WDFY4: variants seen among roughly 807,000 people sequenced by gnomAD.
WDFY4 encodes the protein WDFY family member 4.
WDFY4 carries 169 observed loss-of-function variants against 351.9 expected under a neutral mutation model. The ratio of observed to expected loss-of-function variants is 0.48; its 90% CI spans 0.42 to 0.55. The LOEUF is 0.55. WDFY4 is among the 20% of genes least tolerant of loss of function. The probability of loss-of-function intolerance (pLI) is 0.00; values close to 1 mark genes in which losing one functional copy is unlikely to be tolerated. For synonymous variants in WDFY4, 1,622 were observed against 1,574.6 expected (o/e 1.03, Z -0.71); for missense variants, 3,803 against 3,935.6 (o/e 0.97, Z 0.90).
In WDFY4 at chr10:48,936,606, AG is replaced by A. The variant is rs398114302; in HGVS notation, c.7587-5199del. Among the ~76,000 whole-genome samples, 420 of 59,996 alleles carry A rather than the reference AG, an allele frequency of 7.0e-3. 2 individuals are homozygous for A. The highest frequency in any genetic ancestry group is 0.059 in the South Asian group (89 of 1,518). The allele number at this position is 59,996 out of a possible 152,430, so 39.4% of individuals were successfully genotyped here. A position where few individuals can be genotyped will look rare whatever the true frequency, so the allele number is the denominator to read the frequency against. Reference sequence around the variant, plus strand: ...TAATTCCAGCACTTTCGGAGGCCGAAGAGGGTGGATCACAAGGTCTGGAGAT... The same window carrying A: ...TAATTCCAGCACTTTCGGAGGCCGAAAGGGTGGATCACAAGGTCTGGAGAT... On this transcript the variant is annotated intron_variant, in intron 47 of 61. Coordinates refer to ENST00000325239, the MANE Select transcript of WDFY4 (RefSeq NM_001394531.1).
chr10:48,753,152 A>G (rs548232480), intron 12 of WDFY4, among the ~76,000 whole-genome samples: 2 of 152,108 alleles, frequency 1.3e-5, no homozygotes, highest in African/African-American at 4.8e-5. Context: ...CTTTTTGGCC[A>G]TTTGTATATC....
chr10:48,708,470 C>G (rs1036142631), intron 1 of WDFY4, among the ~76,000 whole-genome samples: 1 of 152,156 alleles, frequency 6.6e-6, no homozygotes, highest in Admixed American at 6.5e-5. Context: ...TGCTGGGCAC[C>G]CGGATGGCTT....
intron 19 of WDFY4, among the ~76,000 whole-genome samples, chr10:48,781,458 A>G (rs1462264809): frequency 6.6e-6 from 1 of 151,850 alleles, no homozygotes; most frequent in Non-Finnish European, 1.5e-5. Context: ...CACCATGCCC[A>G]CTAATTTTTG....
At chr10:48,859,514 G>T (rs1165196469) in intron 39 of WDFY4, among the ~76,000 whole-genome samples, 1 of 152,162 alleles carries the variant, frequency 6.6e-6, no homozygotes, top group African/African-American at 2.4e-5. Context: ...TGGTGAGTTA[G>T]ATTGATTGAT....
chr10:48,699,522 G>A (rs1007165483), intron 1 of WDFY4, among the ~76,000 whole-genome samples: 1 of 152,186 alleles, frequency 6.6e-6, no homozygotes, highest in Non-Finnish European at 1.5e-5. Flanking sequence ...AGGGAGAGTG[G>A]TGGAGAGGTT....
At chr10:48,978,171 A>T in intron 59 of WDFY4, 138 bp from the exon 60 acceptor site, 1 of 806,102 alleles carries the variant, frequency 1.2e-6, no homozygotes, top group Non-Finnish European at 1.9e-6. Flanking sequence ...ATGATAAGTT[A>T]ACATCAGAAG....
chr10:48,733,464 T>C (rs957716542), intron 9 of WDFY4, among the ~76,000 whole-genome samples: 6 of 152,188 alleles, frequency 3.9e-5, no homozygotes, highest in Non-Finnish European at 4.4e-5. Flanking sequence ...AGCTTCCCCA[T>C]GACTCAGGAA....
intron 47 of WDFY4, among the ~76,000 whole-genome samples, chr10:48,918,241 C>T (rs1838729866): frequency 6.6e-6 from 1 of 152,134 alleles, no homozygotes; most frequent in Non-Finnish European, 1.5e-5. Flanking sequence ...GCAATACTTA[C>T]ATTAAGTGAA....
In WDFY4 at chr10:48,890,610, A is replaced by C. The variant is rs1162350989; in HGVS notation, c.7199A>C (p.Gln2400Pro). Residue 2400 changes from glutamine to proline, a missense_variant, in exon 44 of 62, where the codon CAG (glutamine) becomes CCG (proline). Coordinates refer to ENST00000325239, the MANE Select transcript of WDFY4 (RefSeq NM_001394531.1). ...CAGAAGTTCTCCCTGGTGATTGTGC[A>C]GGGCCACCTGGTGTCAGAAGGGGTC... ...VTQKFSLVIV[Q>P]GHLVSEGVLL... The C allele has an allele frequency of 1.9e-6, 3 of 1,551,626 alleles. No individual in the cohort carries two copies. The highest frequency in any genetic ancestry group is 2.6e-6 in the Non-Finnish European group (3 of 1,147,010).
intron 58 of WDFY4, 53 bp from the exon 59 acceptor site, chr10:48,976,744 T>A: frequency 7.7e-7 from 1 of 1,296,772 alleles, no homozygotes; most frequent in South Asian, 2.5e-5. Flanking sequence ...AGCAAGTGGC[T>A]GATGGGCAGG....
At chr10:48,872,211 C>T (rs1348248289) in intron 40 of WDFY4, among the ~76,000 whole-genome samples, 3 of 152,240 alleles carry the variant, frequency 2.0e-5, no homozygotes, top group African/African-American at 7.2e-5. Context: ...CCAAGATTTG[C>T]AAGGCCTACA....
rs1214075083 is a variant in WDFY4 at position 48,975,065 on chromosome 10, C to T, written c.9108+24C>T. On this transcript the variant is annotated intron_variant, in intron 58 of 61. Coordinates refer to ENST00000325239, the MANE Select transcript of WDFY4 (RefSeq NM_001394531.1). ...CAGTAAGTCTCCTGTTTCTCAGTGTCCGTGTCCTCACCTTCGCAGTAGCAT... is the reference window on the plus strand; with the variant it reads ...CAGTAAGTCTCCTGTTTCTCAGTGTTCGTGTCCTCACCTTCGCAGTAGCAT... 7 of 1,551,630 alleles carry T rather than the reference C, an allele frequency of 4.5e-6. No individual in the cohort carries two copies. In the African/African-American group the frequency reaches 9.6e-5, roughly 21 times the overall value.
At chr10:48,852,080 C>T (rs1188745043) in intron 39 of WDFY4, among the ~76,000 whole-genome samples, 5 of 152,228 alleles carry the variant, frequency 3.3e-5, no homozygotes, top group Non-Finnish European at 7.3e-5. Flanking sequence ...GCTTGATGTG[C>T]TACATTCACT....
rs1195580369 is a variant in WDFY4 at position 48,946,160 on chromosome 10, G to A, written c.7867+3G>A. 22 of 1,542,554 alleles carry A rather than the reference G, an allele frequency of 1.4e-5. No homozygotes were observed. The highest frequency in any genetic ancestry group is 2.0e-5 in the Admixed American group (1 of 49,784). ...TAAAGAAGTTGAGAAAACTGAAGGT[G>A]AGTAGATCCAGCTTGATTTTTGGTG... On this transcript the variant is annotated splice_donor_region_variant and intron_variant, in intron 50 of 61. Transcript: ENST00000325239.
At chr10:48,792,181 C>T (rs1459156480) in intron 23 of WDFY4, among the ~76,000 whole-genome samples, 1 of 152,168 alleles carries the variant, frequency 6.6e-6, no homozygotes, top group Non-Finnish European at 1.5e-5. Flanking sequence ...GTGCCTGTGG[C>T]CTCCGCTCAG....
At chr10:48,696,370 G>T (rs980950839) in intron 1 of WDFY4, among the ~76,000 whole-genome samples, 1 of 152,224 alleles carries the variant, frequency 6.6e-6, no homozygotes, top group Non-Finnish European at 1.5e-5. Context: ...CTGCAAGGCT[G>T]CCCCTGACTC....
At chr10:48,914,910 T>G (rs1838371710) in intron 47 of WDFY4, among the ~76,000 whole-genome samples, 1 of 152,202 alleles carries the variant, frequency 6.6e-6, no homozygotes, top group South Asian at 2.1e-4. Flanking sequence ...GAATGCTGCC[T>G]TTTCCATCTC....
At chr10:48,739,160 A>G (rs1284088036) in intron 11 of WDFY4, among the ~76,000 whole-genome samples, 1 of 152,266 alleles carries the variant, frequency 6.6e-6, no homozygotes, top group Non-Finnish European at 1.5e-5. Flanking sequence ...GTATTCCACC[A>G]TGACACATGG....
chr10:48,952,512 T>C (rs1841377611), intron 51 of WDFY4, among the ~76,000 whole-genome samples: 1 of 152,156 alleles, frequency 6.6e-6, no homozygotes, highest in Admixed American at 6.5e-5. Context: ...CCCGGGATAA[T>C]CTCCTGGCTC....
Sources: allele counts gnomAD v4.1 joint callset (sites outside exome capture counted in the v4.1 genomes callset), GRCh38; gene constraint gnomAD v4.1.1; transcripts MANE v1.5; gene names NCBI Gene and HGNC (gene_info 2026-07-23, HGNC 2026-07-21).